CLEC9A: variants seen among roughly 807,000 people sequenced by gnomAD.
The protein encoded by CLEC9A is C-type lectin domain containing 9A, also known as C-type lectin domain family 9 member A.
A neutral mutation model predicts 30.0 loss-of-function variants in CLEC9A; 24 were observed. The ratio of observed to expected loss-of-function variants is 0.80; its 90% CI spans 0.58 to 1.13. CLEC9A has a LOEUF of 1.13. Ranked by LOEUF, CLEC9A falls within the 50% of genes most tolerant of loss-of-function variation. CLEC9A has a pLI of 0.00. For synonymous variants in CLEC9A, 111 were observed against 96.8 expected (o/e 1.15, Z -0.86); for missense variants, 251 against 280.9 (o/e 0.89, Z 0.76).
chr12:10,045,731 T>G (rs1225691599), intron 2 of CLEC9A: 1 of 206,628 alleles, frequency 4.8e-6, no homozygotes, highest in African/African-American at 2.3e-5. Flanking sequence ...TCTTCCTTTC[T>G]TCCTTTGATG....
chr12:10,041,831 G>A (rs920492332), intron 2 of CLEC9A, among the ~76,000 whole-genome samples: 2 of 152,154 alleles, frequency 1.3e-5, no homozygotes, highest in African/African-American at 2.4e-5. Context: ...TGGTCAAATT[G>A]ACTTGTCCCT....
chr12:10,040,576 G>A (rs1260380629), intron 1 of CLEC9A, among the ~76,000 whole-genome samples: 4 of 150,626 alleles, frequency 2.7e-5, no homozygotes, highest in East Asian at 4.0e-4. Context: ...TCAGCCTCCC[G>A]AGTAGCGGGG....
In CLEC9A at chr12:10,065,514, G is replaced by C. The variant is rs200403589; in HGVS notation, c.608G>C (p.Arg203Thr). The change falls in exon 9 of 9, where the codon AGA becomes ACA. Residue 203 changes from arginine (R) to threonine (T), a missense_variant. Physicochemically the swap from Arg to Thr is moderately conservative, Grantham distance 71. Coordinates refer to ENST00000355819, the MANE Select transcript of CLEC9A (RefSeq NM_207345.4). Reference sequence around the variant, plus strand: ...TGCTTTTCCAGGTTGCCAGCAGAGAGATCCCAGTCAGCTAACCAAGTCTGT... The same window carrying C: ...TGCTTTTCCAGGTTGCCAGCAGAGACATCCCAGTCAGCTAACCAAGTCTGT... ...SPSPGLLPAE[R>T]SQSANQVCGY... The C allele has an allele frequency of 1.7e-5, 27 of 1,613,804 alleles. No homozygotes were observed. The Admixed American group carries it at 2.2e-4, about 13-fold the overall frequency.
intron 2 of CLEC9A, among the ~76,000 whole-genome samples, chr12:10,047,879 C>G (rs1253666901): frequency 6.6e-6 from 1 of 152,142 alleles, no homozygotes; most frequent in Non-Finnish European, 1.5e-5. Context: ...TGGATGCTGA[C>G]TGATCAGAGT....
intron 1 of CLEC9A, among the ~76,000 whole-genome samples, chr12:10,040,075 G>C (rs748496284): frequency 6.6e-6 from 1 of 152,108 alleles, no homozygotes. Context: ...TGCCAGCCTC[G>C]GCCTCTCAAA....
At chr12:10,061,948 T>A (rs1253743910) in intron 6 of CLEC9A, among the ~76,000 whole-genome samples, 2 of 152,224 alleles carry the variant, frequency 1.3e-5, no homozygotes, top group Non-Finnish European at 2.9e-5. Context: ...AAGTCAAACA[T>A]CAACCATAGT....
chr12:10,049,047 C>G (rs4399401), intron 2 of CLEC9A, among the ~76,000 whole-genome samples: 1 of 151,872 alleles, frequency 6.6e-6, no homozygotes, highest in Non-Finnish European at 1.5e-5. Context: ...GAAATGGAGG[C>G]TGTGTTAGCA....
chr12:10,051,764 G>C (rs1865894338), intron 2 of CLEC9A, among the ~76,000 whole-genome samples: 1 of 152,210 alleles, frequency 6.6e-6, no homozygotes, highest in Non-Finnish European at 1.5e-5. Context: ...AATTTCTGAT[G>C]CTATAGTCGC....
chr12:10,056,316 A>G (rs1565592609), intron 5 of CLEC9A, among the ~76,000 whole-genome samples: 1 of 152,152 alleles, frequency 6.6e-6, no homozygotes, highest in Admixed American at 6.6e-5. Flanking sequence ...TACCCACCAC[A>G]TTGATAAGAG....
intron 2 of CLEC9A, among the ~76,000 whole-genome samples, chr12:10,048,866 A>G (rs1490782322): frequency 1.3e-5 from 2 of 152,236 alleles, no homozygotes; most frequent in African/African-American, 4.8e-5. Flanking sequence ...CATGAATCAC[A>G]AATCTTCTCA....
At chr12:10,061,711 AT>A (rs1194747222) in intron 6 of CLEC9A, among the ~76,000 whole-genome samples, 1 of 152,190 alleles carries the variant, frequency 6.6e-6, no homozygotes, top group African/African-American at 2.4e-5. Context: ...TTACCACAAA[AT>A]TCTTTTACGA....
At chr12:10,037,341 C>CTATTTTACAAATTCT (rs1865752402) in intron 1 of CLEC9A, among the ~76,000 whole-genome samples, 2 of 152,128 alleles carry the variant, frequency 1.3e-5, no homozygotes, top group African/African-American at 4.8e-5. Flanking sequence ...TAATTATTGG[C>CTATTTTACAAATTCT]TATTTTACAA....
chr12:10,045,362 C>T (rs1565590136), intron 2 of CLEC9A: 1 of 151,054 alleles, frequency 6.6e-6, no homozygotes, highest in African/African-American at 2.5e-5. Flanking sequence ...CAATGAGAAA[C>T]TTTTTTTTTT....
At chr12:10,051,420 G>A (rs1165920369) in intron 2 of CLEC9A, among the ~76,000 whole-genome samples, 1 of 152,114 alleles carries the variant, frequency 6.6e-6, no homozygotes, top group Non-Finnish European at 1.5e-5. Context: ...GGCAGGTCAT[G>A]CAGTTCCAAT....
At chr12:10,042,634 A>G (rs1844186) in intron 2 of CLEC9A, among the ~76,000 whole-genome samples, 151,186 of 152,344 alleles carry the variant, frequency 0.99, 75,024 homozygotes, top group Middle Eastern at 1. Flanking sequence ...CCAAACAAAT[A>G]ACATACTATA....
intron 2 of CLEC9A, among the ~76,000 whole-genome samples, chr12:10,049,255 T>G (rs1442539185): frequency 6.6e-6 from 1 of 152,216 alleles, no homozygotes; most frequent in Non-Finnish European, 1.5e-5. Context: ...TTGTTTTACT[T>G]ATAGAGAATA....
chr12:10,054,399 A>G (rs1390646229), intron 5 of CLEC9A, 48 bp downstream of exon 5: 3 of 1,206,944 alleles, frequency 2.5e-6, no homozygotes, highest in Non-Finnish European at 2.4e-6. Flanking sequence ...TTATATATAA[A>G]ACTTCATAAT....
At chr12:10,047,060 C>CT (rs905307590) in intron 2 of CLEC9A, among the ~76,000 whole-genome samples, 26 of 152,098 alleles carry the variant, frequency 1.7e-4, no homozygotes, top group African/African-American at 6.3e-4. Context: ...ACACTTGAAT[C>CT]TTTATCTTTT....
chr12:10,052,044 C>T lies in CLEC9A; in HGVS notation c.-109C>T, dbSNP rs908048029. ...CCCAAGACGAAAGAATCCCAAGTCT[C>T]ATTTGGAGGAATGCTATCACTAACT... is the stretch of plus-strand genomic sequence containing the variant. On this transcript the variant is annotated 5_prime_UTR_variant, in exon 3 of 9. Coordinates refer to ENST00000355819, the MANE Select transcript of CLEC9A (RefSeq NM_207345.4). 4.6e-5 allele frequency: 7 copies of T among 152,168 alleles called. No homozygotes were observed. 9.4% of individuals were successfully genotyped at this position (152,168 alleles called of 1,614,324 possible). A position where few individuals can be genotyped will look rare whatever the true frequency, so the allele number is the denominator to read the frequency against.
Sources: gnomAD v4.1 joint callset for allele counts (sites outside exome capture counted in the v4.1 genomes callset) on GRCh38, gnomAD v4.1.1 for gene constraint, MANE v1.5 for transcripts, NCBI Gene and HGNC (gene_info 2026-07-23, HGNC 2026-07-21) for gene names.